ACTG2: variants seen among roughly 807,000 people sequenced by gnomAD.
ACTG2 encodes the protein actin, gamma-enteric smooth muscle.
ACTG2 carries 16 observed loss-of-function variants against 37.6 expected under a neutral mutation model. The ratio of observed to expected loss-of-function variants is 0.43; its 90% CI spans 0.29 to 0.65. The LOEUF is 0.65. Among genes scored for constraint, ACTG2 ranks in the 30% least tolerant of loss-of-function variants. The probability of loss-of-function intolerance (pLI) is 0.18; values close to 1 mark genes in which losing one functional copy is unlikely to be tolerated. For synonymous variants in ACTG2, 181 were observed against 179.9 expected (o/e 1.01, Z -0.05); for missense variants, 238 against 490.9 (o/e 0.48, Z 4.87).
intron 7 of ACTG2, 26 bp from the exon 8 acceptor site, chr2:73,916,558 T>C (rs770441983): frequency 6.3e-7 from 1 of 1,599,476 alleles, no homozygotes; most frequent in Non-Finnish European, 8.5e-7. Flanking sequence ...TGATGCCTGT[T>C]GACCAGACAC....
intron 1 of ACTG2, among the ~76,000 whole-genome samples, chr2:73,893,308 G>T (rs1410458393): frequency 6.6e-6 from 1 of 152,200 alleles, no homozygotes; most frequent in South Asian, 2.1e-4. Flanking sequence ...GGGATATAAT[G>T]CCTGCAGTCT....
chr2:73,911,995 G>A (rs1328856317), intron 5 of ACTG2, among the ~76,000 whole-genome samples: 1 of 152,188 alleles, frequency 6.6e-6, no homozygotes, highest in Non-Finnish European at 1.5e-5. Flanking sequence ...ACCAGGCCAT[G>A]GGCACACACT....
intron 3 of ACTG2, chr2:73,908,293 C>T (rs1461082338): frequency 2.1e-6 from 1 of 472,616 alleles, no homozygotes; most frequent in African/African-American, 2.0e-5. Context: ...TTTCCAGCCT[C>T]TTGCAGGAAT....
Position 73,908,720 on chromosome 2 carries a change from G to C in ACTG2, c.303G>C (p.Glu101Asp). 1 of 1,613,648 alleles carries C rather than the reference G, an allele frequency of 6.2e-7. No homozygotes were observed. ...FYNELRVAPE[E>D]HPTLLTEAPL... ...ATGAGCTGCGTGTAGCACCTGAAGA[G>C]CACCCCACCCTGCTCACAGAGGCTC... Residue 101 changes from glutamate (E) to aspartate (D), a missense_variant, in exon 4 of 9, where the codon GAG (glutamate) becomes GAC (aspartate). Glu to Asp is a conservative substitution (Grantham distance 45). Coordinates refer to ENST00000345517, the MANE Select transcript of ACTG2 (RefSeq NM_001615.4).
At chr2:73,905,441 G>A (rs960552212) in intron 3 of ACTG2, among the ~76,000 whole-genome samples, 5 of 152,034 alleles carry the variant, frequency 3.3e-5, no homozygotes, top group East Asian at 3.8e-4. Context: ...AACAGTTAAT[G>A]CAAATTGACA....
intron 3 of ACTG2, among the ~76,000 whole-genome samples, chr2:73,904,424 C>A (rs1283385478): frequency 2.6e-5 from 4 of 151,906 alleles, no homozygotes; most frequent in Non-Finnish European, 5.9e-5. Context: ...GTAATCCCAG[C>A]ACTTTGGGAG....
At position 73,906,178 on chromosome 2, in the gene ACTG2, G is replaced by A. The variant is rs141828217; in HGVS notation, c.256-2495G>A. Among the ~76,000 whole-genome samples the A allele has an allele frequency of 9.4e-3, 1,437 of 152,068 alleles. 20 individuals carry two copies. Among genetic ancestry groups the A allele is most frequent in the African/African-American group, 0.032 (1,319 of 41,526 alleles). ...CCATTAAAAAAAATTTTGGCCGGGCGCGGTGGCTCACGCCTGTAATCCCAG... is the reference window on the plus strand; with the variant it reads ...CCATTAAAAAAAATTTTGGCCGGGCACGGTGGCTCACGCCTGTAATCCCAG... On this transcript the variant is annotated intron_variant, in intron 3 of 8. Transcript: ENST00000345517.
At chr2:73,899,246 T>G (rs1412285970) in intron 1 of ACTG2, among the ~76,000 whole-genome samples, 2 of 152,108 alleles carry the variant, frequency 1.3e-5, no homozygotes, top group Non-Finnish European at 2.9e-5. Context: ...GAGAATCACT[T>G]GAACCCAGGA....
chr2:73,895,912 A>G (rs1679737735), intron 1 of ACTG2, among the ~76,000 whole-genome samples: 1 of 152,256 alleles, frequency 6.6e-6, no homozygotes, highest in African/African-American at 2.4e-5. Flanking sequence ...AAAAGCAGCC[A>G]TAGATAATAT....
chr2:73,893,407 G>T (rs970137645), intron 1 of ACTG2, among the ~76,000 whole-genome samples: 1 of 152,214 alleles, frequency 6.6e-6, no homozygotes, highest in Non-Finnish European at 1.5e-5. Context: ...TGTTTTAGGG[G>T]ATCATATACT....
At chr2:73,902,262 T>C (rs7586415) in intron 2 of ACTG2, 98 bp from the exon 3 acceptor site, 278,295 of 1,425,996 alleles carry the variant, frequency 0.2, 28,707 homozygotes, top group Middle Eastern at 0.31. Context: ...AGGCTGTTTT[T>C]CCCATCCTTA....
chr2:73,914,822 C>T lies in ACTG2; in HGVS notation c.756C>T (p.Gly252=), dbSNP rs1227549713. The T allele has an allele frequency of 5.6e-6, 9 of 1,607,360 alleles. No individual in the cohort carries two copies. The highest frequency in any genetic ancestry group is 6.8e-6 in the Non-Finnish European group (8 of 1,175,476). The change falls in exon 7 of 9, where the codon GGC becomes GGT. Residue 252 remains glycine (G), a synonymous_variant. Coordinates refer to ENST00000345517, the MANE Select transcript of ACTG2 (RefSeq NM_001615.4). ...CAGATGGGCAGGTTATCACCATTGG[C>T]AATGAGCGCTTCCGCTGCCCTGAGA... ...ELPDGQVITI[G]NERFRCPETL... is the part of the protein sequence containing the mutation.
intron 8 of ACTG2, among the ~76,000 whole-genome samples, chr2:73,918,499 T>C (rs1395607611): frequency 1.3e-5 from 2 of 152,212 alleles, no homozygotes; most frequent in Non-Finnish European, 2.9e-5. Context: ...TTAGGGAATA[T>C]GTAAAGAGAT....
chr2:73,902,833 C>G, intron 3 of ACTG2: 1 of 1,454,196 alleles, frequency 6.9e-7, no homozygotes, highest in Non-Finnish European at 9.2e-7. Flanking sequence ...CAGGGGGTTC[C>G]TAACTCCCCG....
chr2:73,916,886 C>T (rs575422113), intron 8 of ACTG2, 121 bp downstream of exon 8: 2 of 1,217,562 alleles, frequency 1.6e-6, no homozygotes, highest in South Asian at 3.2e-5. Flanking sequence ...TCAATATCAT[C>T]CTGGACTGGA....
chr2:73,894,711 G>A (rs1679705585), intron 1 of ACTG2, among the ~76,000 whole-genome samples: 1 of 66,188 alleles, frequency 1.5e-5, no homozygotes, highest in Non-Finnish European at 2.8e-5. Context: ...GCCTGAGCTT[G>A]GTCCTGAAGT....
chr2:73,919,693 A>C lies in ACTG2; in HGVS notation c.*118A>C. ...GCTCTTTTTTCCTGGGCTATGTCTC[A>C]TACACAGTGCTAAGGACTTTTCACA... is the stretch of plus-strand genomic sequence containing the variant. On this transcript the variant is annotated 3_prime_UTR_variant, in exon 9 of 9. Coordinates refer to ENST00000345517, the MANE Select transcript of ACTG2 (RefSeq NM_001615.4). 1.3e-4 allele frequency: 155 copies of C among 1,181,204 alleles called. No individual in the cohort carries two copies. The highest frequency in any genetic ancestry group is 1.5e-4 in the East Asian group (6 of 41,308). 73.2% of individuals were successfully genotyped at this position (1,181,204 alleles called of 1,614,324 possible). A position where few individuals can be genotyped will look rare whatever the true frequency, so the allele number is the denominator to read the frequency against.
intron 1 of ACTG2, among the ~76,000 whole-genome samples, chr2:73,897,542 T>G (rs985831808): frequency 6.6e-6 from 1 of 152,214 alleles, no homozygotes; most frequent in Non-Finnish European, 1.5e-5. Flanking sequence ...GAGGCTGGAC[T>G]GTGGGGACTC....
intron 5 of ACTG2, among the ~76,000 whole-genome samples, chr2:73,912,319 G>T (rs1220115778): frequency 6.6e-6 from 1 of 152,026 alleles, no homozygotes; most frequent in South Asian, 2.1e-4. Flanking sequence ...CTCTGCACCC[G>T]GCTAATTTTT....
Sources: gnomAD v4.1 joint callset for allele counts (sites outside exome capture counted in the v4.1 genomes callset) on GRCh38, gnomAD v4.1.1 for gene constraint, MANE v1.5 for transcripts, NCBI Gene and HGNC (gene_info 2026-07-23, HGNC 2026-07-21) for gene names.